The following RCAN2 variants were observed in gnomAD, a reference collection of about 807,000 sequenced individuals.
RCAN2 encodes regulator of calcineurin 2, also known as calcipressin-2.
A neutral mutation model predicts 23.6 loss-of-function variants in RCAN2; 9 were observed. That is an observed-to-expected ratio of 0.38 (90% CI 0.23 to 0.67). The LOEUF is 0.67. Ranked by LOEUF, RCAN2 falls within the 30% of genes least tolerant of loss-of-function variation. The pLI, the probability that RCAN2 is intolerant of heterozygous loss-of-function variation, is 0.51. For synonymous variants in RCAN2, 109 were observed against 115.7 expected (o/e 0.94, Z 0.37); for missense variants, 273 against 302.3 (o/e 0.90, Z 0.72).
rs1765521392 is a variant in RCAN2, at chr6:46,222,863, A to G, written c.*278T>C. 1 of 355,840 alleles carries G rather than the reference A, an allele frequency of 2.8e-6. No individual in the cohort carries two copies. The highest frequency in any genetic ancestry group is 3.5e-5 in the South Asian group (1 of 28,856). The allele number at this position is 355,840 out of a possible 1,614,324, so 22.0% of individuals were successfully genotyped here. A position where few individuals can be genotyped will look rare whatever the true frequency, so the allele number is the denominator to read the frequency against. ...ACTGATGTCTCTGGCTTGGATCAACATGAGAGAACAAAGATATAGGCTGTG... is the reference window on the plus strand; with the variant it reads ...ACTGATGTCTCTGGCTTGGATCAACGTGAGAGAACAAAGATATAGGCTGTG... On this transcript the variant is annotated 3_prime_UTR_variant, in exon 5 of 5. Transcript: ENST00000371374.
chr6:46,375,489 A>G (rs982169932), intron 2 of RCAN2, among the ~76,000 whole-genome samples: 8 of 152,178 alleles, frequency 5.3e-5, no homozygotes, highest in African/African-American at 1.7e-4. Flanking sequence ...ACTTTAAACT[A>G]AAGTCCAAAA....
intron 2 of RCAN2, among the ~76,000 whole-genome samples, chr6:46,281,212 T>C (rs1767900409): frequency 6.6e-6 from 1 of 152,224 alleles, no homozygotes; most frequent in African/African-American, 2.4e-5. Flanking sequence ...AGGCATGCGC[T>C]GACTAATAAC....
intron 2 of RCAN2, among the ~76,000 whole-genome samples, chr6:46,259,690 G>A (rs1453287909): frequency 1.3e-5 from 2 of 152,150 alleles, no homozygotes; most frequent in Non-Finnish European, 2.9e-5. Context: ...CAAAGGTTAA[G>A]GGCTCAGTAC....
intron 4 of RCAN2, among the ~76,000 whole-genome samples, chr6:46,238,180 G>A (rs1021370114): frequency 6.6e-6 from 1 of 152,176 alleles, no homozygotes; most frequent in Admixed American, 6.5e-5. Flanking sequence ...GTGTGTGTGT[G>A]TCTGGGAAGG....
intron 2 of RCAN2, chr6:46,325,308 A>G: frequency 6.7e-7 from 1 of 1,483,308 alleles, no homozygotes. Flanking sequence ...ACTATTAACC[A>G]AAGTCTTATT....
At chr6:46,401,186 ACT>A (rs547698811) in intron 2 of RCAN2, among the ~76,000 whole-genome samples, 149 of 151,910 alleles carry the variant, frequency 9.8e-4, no homozygotes, top group African/African-American at 3.4e-3. Flanking sequence ...CACTCACAAA[ACT>A]CTTCCCTGGA....
At chr6:46,278,378 T>TAC (rs942939502) in intron 2 of RCAN2, among the ~76,000 whole-genome samples, 5 of 151,060 alleles carry the variant, frequency 3.3e-5, no homozygotes, top group African/African-American at 7.3e-5. Flanking sequence ...ACCCATCCTT[T>TAC]ACACACACAC....
chr6:46,341,125 A>C (rs1043328932), intron 2 of RCAN2, among the ~76,000 whole-genome samples: 2 of 152,254 alleles, frequency 1.3e-5, no homozygotes, highest in East Asian at 3.8e-4. Context: ...TAAAATTTCA[A>C]ATAAGTAAGA....
At chr6:46,475,132 TG>T (rs1376091203) in intron 1 of RCAN2, among the ~76,000 whole-genome samples, 1 of 152,162 alleles carries the variant, frequency 6.6e-6, no homozygotes, top group Admixed American at 6.5e-5. Flanking sequence ...CCTGGTCACT[TG>T]GAAATTAGGT....
intron 4 of RCAN2, among the ~76,000 whole-genome samples, chr6:46,231,804 A>T (rs1038026389): frequency 5.3e-5 from 8 of 152,156 alleles, no homozygotes; most frequent in Non-Finnish European, 2.9e-5. Flanking sequence ...AGAAGTCTGT[A>T]TTAGGCACCT....
At chr6:46,274,299 T>C (rs1364680515) in intron 2 of RCAN2, among the ~76,000 whole-genome samples, 1 of 152,220 alleles carries the variant, frequency 6.6e-6, no homozygotes, top group East Asian at 1.9e-4. Flanking sequence ...GGTAGCTATA[T>C]ATAGGTCATC....
At chr6:46,231,298 C>A (rs1283595502) in intron 4 of RCAN2, among the ~76,000 whole-genome samples, 2 of 152,166 alleles carry the variant, frequency 1.3e-5, no homozygotes, top group South Asian at 2.1e-4. Context: ...GGAACAGATC[C>A]TTTCCTGACA....
chr6:46,280,570 G>A (rs1342325434), intron 2 of RCAN2, among the ~76,000 whole-genome samples: 2 of 152,130 alleles, frequency 1.3e-5, no homozygotes, highest in East Asian at 3.9e-4. Context: ...CAATAACCAT[G>A]TTATAACGTA....
At chr6:46,474,755 C>T (rs151028086) in intron 1 of RCAN2, among the ~76,000 whole-genome samples, 136 of 152,256 alleles carry the variant, frequency 8.9e-4, no homozygotes, top group Middle Eastern at 3.4e-3. Flanking sequence ...ATTGGAGTTC[C>T]GCTGCCTTCA....
At chr6:46,419,012 CA>C (rs924541637) in intron 2 of RCAN2, among the ~76,000 whole-genome samples, 13 of 150,566 alleles carry the variant, frequency 8.6e-5, no homozygotes, top group African/African-American at 2.2e-4. Flanking sequence ...GCCGAGATAG[CA>C]AAAAAAAGCC....
At chr6:46,393,418 TTG>T (rs371381578) in intron 2 of RCAN2, among the ~76,000 whole-genome samples, 26 of 152,258 alleles carry the variant, frequency 1.7e-4, no homozygotes, top group African/African-American at 6.3e-4. Context: ...AGTGAGTAGT[TTG>T]TAGTAAGTGT....
At chr6:46,483,644 A>G (rs1362730285) in intron 1 of RCAN2, among the ~76,000 whole-genome samples, 2 of 152,224 alleles carry the variant, frequency 1.3e-5, no homozygotes, top group South Asian at 4.1e-4. Context: ...TTACCTTGTC[A>G]AATTTTGAAG....
At chr6:46,393,258 C>A (rs1481616795) in intron 2 of RCAN2, among the ~76,000 whole-genome samples, 1 of 152,046 alleles carries the variant, frequency 6.6e-6, no homozygotes, top group Non-Finnish European at 1.5e-5. Context: ...GGTGTCTATG[C>A]ATTTAAAGCT....
chr6:46,325,076 G>A (rs1222907515), intron 2 of RCAN2, among the ~76,000 whole-genome samples: 1 of 152,228 alleles, frequency 6.6e-6, no homozygotes, highest in East Asian at 1.9e-4. Context: ...GACATTGAGG[G>A]CTGGAAAATT....
Sources: gnomAD v4.1 joint callset for allele counts (sites outside exome capture counted in the v4.1 genomes callset) on GRCh38, gnomAD v4.1.1 for gene constraint, MANE v1.5 for transcripts, NCBI Gene and HGNC (gene_info 2026-07-23, HGNC 2026-07-21) for gene names.